ADCK1: variants seen among roughly 807,000 people sequenced by gnomAD.
The protein encoded by ADCK1 is aarF domain-containing protein kinase 1.
Under a neutral mutation model 52.3 loss-of-function variants are expected in ADCK1, and 41 were observed. That is an observed-to-expected ratio of 0.78 (90% CI 0.61 to 1.02). The LOEUF is 1.02. Among genes scored for constraint, ADCK1 ranks in the 50% least tolerant of loss-of-function variants. The pLI, the probability that ADCK1 is intolerant of heterozygous loss-of-function variation, is 0.00. For missense variants in ADCK1, 658 were observed against 679.5 expected (o/e 0.97, Z 0.35); for synonymous variants, 250 against 274.6 (o/e 0.91, Z 0.89).
At chr14:77,872,676 C>G (rs1248231422) in intron 4 of ADCK1, among the ~76,000 whole-genome samples, 1 of 104,598 alleles carries the variant, frequency 9.6e-6, no homozygotes, top group Admixed American at 1.1e-4. Flanking sequence ...TTTCCCCACT[C>G]CTTTTTTTTT....
intron 7 of ADCK1, among the ~76,000 whole-genome samples, chr14:77,913,366 C>T (rs1164913629): frequency 2.0e-5 from 3 of 152,222 alleles, no homozygotes; most frequent in Non-Finnish European, 4.4e-5. Flanking sequence ...CCCAGGGGTG[C>T]CCACCTGCCA....
intron 10 of ADCK1, among the ~76,000 whole-genome samples, 165 bp downstream of exon 10, chr14:77,931,876 A>G (rs2140308097): frequency 6.6e-6 from 1 of 152,298 alleles, no homozygotes; most frequent in South Asian, 2.1e-4. Flanking sequence ...GTTTTCTGAG[A>G]GTCTCAGCCC....
chr14:77,835,936 T>C (rs10151802), intron 3 of ADCK1, among the ~76,000 whole-genome samples: 10,259 of 152,266 alleles, frequency 0.067, 385 homozygotes, highest in Middle Eastern at 0.12. Context: ...CCAAAAGCCA[T>C]ATTTTTAATG....
rs865856139 is a variant in ADCK1, at chr14:77,933,209, C to T, written c.1401-11C>T. 39 of 1,605,008 alleles carry T rather than the reference C, an allele frequency of 2.4e-5. No homozygotes were observed. The highest frequency in any genetic ancestry group is 1.4e-4 in the Admixed American group (8 of 58,618). ...TATCTCTTTTCTCCTTTTTTCTTTC[C>T]CTTTTTCCAGGCACAAGAAGAAGAA... On this transcript the variant is annotated splice_polypyrimidine_tract_variant and intron_variant, in intron 10 of 10. Transcript: ENST00000238561.
At chr14:77,864,849 G>C (rs990187119) in intron 4 of ADCK1, among the ~76,000 whole-genome samples, 5 of 152,220 alleles carry the variant, frequency 3.3e-5, no homozygotes, top group Non-Finnish European at 5.9e-5. Context: ...TCTGAAGGCT[G>C]TTTGAAGGTT....
At chr14:77,836,377 G>A (rs913022908) in intron 3 of ADCK1, among the ~76,000 whole-genome samples, 7 of 152,156 alleles carry the variant, frequency 4.6e-5, no homozygotes, top group African/African-American at 1.7e-4. Context: ...TGTACTTAGG[G>A]GTCTCTATTA....
At chr14:77,910,272 G>A (rs184201015) in intron 7 of ADCK1, among the ~76,000 whole-genome samples, 1 of 152,088 alleles carries the variant, frequency 6.6e-6, no homozygotes, top group Non-Finnish European at 1.5e-5. Flanking sequence ...GAGAAAAAGA[G>A]TTCATCCTTC....
Position 77,899,176 on chromosome 14 carries a change from T to C in ADCK1, c.659T>C (p.Leu220Pro). The change falls in exon 6 of 11, where the codon CTG (leucine) becomes CCG (proline). Residue 220 changes from leucine (L) to proline (P), a missense_variant. Leu to Pro is a moderately conservative substitution (Grantham distance 98, BLOSUM62 -3). Transcript: ENST00000238561. ...MWLVDEAKKN[L>P]PLELDFLNEG... ...CTTGTGGATGAAGCCAAGAAGAACC[T>C]GCCTTTGGAGCTGGATTTCCTCAAT... 6.2e-7 allele frequency: 1 copy of C among 1,614,216 alleles called. No homozygotes were observed. Among genetic ancestry groups the C allele is most frequent in the Non-Finnish European group, 8.5e-7 (1 of 1,180,040 alleles).
At chr14:77,804,540 G>T (rs2081178283) in intron 1 of ADCK1, among the ~76,000 whole-genome samples, 1 of 151,854 alleles carries the variant, frequency 6.6e-6, no homozygotes, top group Non-Finnish European at 1.5e-5. Context: ...TGGCCTCATT[G>T]CATACAGGGG....
intron 7 of ADCK1, among the ~76,000 whole-genome samples, chr14:77,916,354 T>G (rs1301886182): frequency 2.6e-5 from 4 of 152,158 alleles, no homozygotes; most frequent in African/African-American, 9.7e-5. Flanking sequence ...GTGATGTTCC[T>G]TTTCAATCCT....
At chr14:77,818,853 G>A in intron 1 of ADCK1, 115 bp from the exon 2 acceptor site, 1 of 1,226,700 alleles carries the variant, frequency 8.2e-7, no homozygotes, top group Non-Finnish European at 1.1e-6. Context: ...GGCTCAGTGA[G>A]ATTAATGATC....
chr14:77,894,747 T>C (rs1015683941), intron 5 of ADCK1, among the ~76,000 whole-genome samples: 4 of 106,866 alleles, frequency 3.7e-5, no homozygotes, highest in African/African-American at 7.6e-5. Flanking sequence ...TTTTTTTTTT[T>C]TTTTTTTTTT....
At chr14:77,867,749 C>T (rs1043928473) in intron 4 of ADCK1, among the ~76,000 whole-genome samples, 2 of 152,208 alleles carry the variant, frequency 1.3e-5, no homozygotes, top group Non-Finnish European at 2.9e-5. Flanking sequence ...GTGCCCTGCT[C>T]CCGGCCTGTG....
intron 5 of ADCK1, among the ~76,000 whole-genome samples, chr14:77,894,736 G>GTTTTTTTTTTTTTTTTTC (rs2083365909): frequency 2.7e-5 from 1 of 36,484 alleles, no homozygotes; most frequent in Non-Finnish European, 5.9e-5. Context: ...TTCTTTTCTT[G>GTTTTTTTTTTTTTTTTTC]TTTTTTTTTT....
intron 5 of ADCK1, among the ~76,000 whole-genome samples, chr14:77,892,639 A>G (rs2083306292): frequency 1.0e-5 from 1 of 99,016 alleles, no homozygotes; most frequent in Admixed American, 8.8e-5. Flanking sequence ...TCTTTATCAG[A>G]AAAAAAAAAA....
At chr14:77,860,135 C>T (rs1290467690) in intron 4 of ADCK1, among the ~76,000 whole-genome samples, 2 of 152,206 alleles carry the variant, frequency 1.3e-5, no homozygotes, top group African/African-American at 4.8e-5. Flanking sequence ...CCTCCCTTGA[C>T]CGATCTTATC....
intron 1 of ADCK1, among the ~76,000 whole-genome samples, chr14:77,811,859 C>G (rs1301318200): frequency 6.6e-6 from 1 of 152,042 alleles, no homozygotes; most frequent in Non-Finnish European, 1.5e-5. Context: ...AAAAATAATC[C>G]TTGGCTTATT....
At chr14:77,855,279 A>C (rs1387185777) in intron 3 of ADCK1, among the ~76,000 whole-genome samples, 2 of 152,244 alleles carry the variant, frequency 1.3e-5, no homozygotes, top group African/African-American at 4.8e-5. Flanking sequence ...TAAGTATGGA[A>C]ACACTAGCCC....
intron 3 of ADCK1, among the ~76,000 whole-genome samples, chr14:77,855,699 C>A (rs8014296): frequency 0.43 from 65,961 of 151,876 alleles, 14,970 homozygotes; most frequent in Admixed American, 0.53. Flanking sequence ...TTCTGATGGA[C>A]AGTACACATG....
Sources: gnomAD v4.1 joint callset for allele counts (sites outside exome capture counted in the v4.1 genomes callset) on GRCh38, gnomAD v4.1.1 for gene constraint, MANE v1.5 for transcripts, NCBI Gene and HGNC (gene_info 2026-07-23, HGNC 2026-07-21) for gene names.